Variants in CHIC2 observed in about 807,000 individuals in gnomAD.
The protein encoded by CHIC2 is cysteine rich hydrophobic domain 2.
Under a neutral mutation model 25.9 loss-of-function variants are expected in CHIC2, and 14 were observed. The observed-to-expected ratio is 0.54, with a 90% confidence interval of 0.36 to 0.85. The LOEUF (loss-of-function observed/expected upper bound fraction) is 0.85. Among genes scored for constraint, CHIC2 ranks in the 40% least tolerant of loss-of-function variants. CHIC2 has a pLI of 0.01. For synonymous variants in CHIC2, 70 were observed against 72.0 expected (o/e 0.97, Z 0.14); for missense variants, 146 against 202.0 (o/e 0.72, Z 1.68).
chr4:54,073,800 C>G, the CHIC2 span, among the ~76,000 whole-genome samples: 1 of 152,160 alleles, frequency 6.6e-6, no homozygotes, highest in East Asian at 1.9e-4. Flanking sequence ...CTTCCTGACC[C>G]TGGATATCAT....
intron 3 of CHIC2, among the ~76,000 whole-genome samples, chr4:54,016,849 A>G (rs1735624815): frequency 6.6e-6 from 1 of 152,090 alleles, no homozygotes; most frequent in Non-Finnish European, 1.5e-5. Flanking sequence ...TTTAAAAAAA[A>G]AAGGAAAGAA....
chr4:54,025,521 G>A (rs1716030849), intron 3 of CHIC2, among the ~76,000 whole-genome samples: 1 of 152,130 alleles, frequency 6.6e-6, no homozygotes. Flanking sequence ...CTGTTTGGTG[G>A]TCTCTTCGCA....
At position 54,060,747 on chromosome 4, in the gene CHIC2, T is replaced by A. The variant is rs145868795; in HGVS notation, c.119+3435A>T. On this transcript the variant is annotated intron_variant, in intron 1 of 5. Transcript: ENST00000263921. ...AATTTTAAAATATTAACCAATCTGG[T>A]CAAGACTACCTAATAGTCTTTTTAC... The A allele has an allele frequency of 5.3e-5, 8 of 152,282 alleles. No homozygotes were observed. In the East Asian group the frequency reaches 1.5e-3, roughly 29 times the overall value. The allele number at this position is 152,282 out of a possible 1,614,324, so 9.4% of individuals were successfully genotyped here.
At chr4:54,010,977 A>C (rs192824165) in intron 5 of CHIC2, among the ~76,000 whole-genome samples, 323 of 152,300 alleles carry the variant, frequency 2.1e-3, no homozygotes, top group African/African-American at 7.4e-3. Flanking sequence ...ATGGTAACAC[A>C]GAATTACACA....
At chr4:54,041,306 A>C (rs959998457) in intron 3 of CHIC2, among the ~76,000 whole-genome samples, 1 of 152,012 alleles carries the variant, frequency 6.6e-6, no homozygotes, top group Middle Eastern at 3.2e-3. Flanking sequence ...AGAGGATTTC[A>C]CATCACAAGA....
chr4:54,064,320 C>T lies in CHIC2; in HGVS notation c.-20G>A, dbSNP rs767394713. ...CGCCATCCTGAGCCTCCGAGCTCCCCTGCCCAAAGGGCCTGACTCCCGGGG... is the reference window on the plus strand; with the variant it reads ...CGCCATCCTGAGCCTCCGAGCTCCCTTGCCCAAAGGGCCTGACTCCCGGGG... On this transcript the variant is annotated 5_prime_UTR_variant, in exon 1 of 6. Coordinates refer to ENST00000263921, the MANE Select transcript of CHIC2 (RefSeq NM_012110.4). This position sits in a 1 kb window ranked among gnomAD's most constrained non-coding sequence, Gnocchi z 4.2. 4.5e-5 allele frequency: 73 copies of T among 1,612,740 alleles called. No homozygotes were observed. Among genetic ancestry groups the T allele is most frequent in the Admixed American group, 6.7e-5 (4 of 59,920 alleles).
At chr4:54,020,049 G>A (rs1273871880) in intron 3 of CHIC2, among the ~76,000 whole-genome samples, 1 of 152,114 alleles carries the variant, frequency 6.6e-6, no homozygotes, top group Non-Finnish European at 1.5e-5. Context: ...AAAAATATAT[G>A]TAATTACAAA....
chr4:54,070,919 G>A, the CHIC2 span, among the ~76,000 whole-genome samples: 1 of 152,140 alleles, frequency 6.6e-6, no homozygotes, highest in Non-Finnish European at 1.5e-5. Context: ...CCAAGAGTGG[G>A]CATCTGACCT....
upstream of CHIC2, chr4:54,064,757 G>C: frequency 3.3e-6 from 2 of 602,450 alleles, no homozygotes; most frequent in Non-Finnish European, 4.2e-6. This position sits in a 1 kb window ranked among gnomAD's most constrained non-coding sequence, Gnocchi z 4.2. Context: ...GGCCTCGCGC[G>C]CTCCCAGGCC....
At chr4:54,072,797 G>A in the CHIC2 span, among the ~76,000 whole-genome samples, 1 of 152,178 alleles carries the variant, frequency 6.6e-6, no homozygotes, top group Non-Finnish European at 1.5e-5. Context: ...GCGCGTCTGG[G>A]CGTGGTGGCT....
At chr4:54,027,095 C>A (rs1004361691) in intron 3 of CHIC2, among the ~76,000 whole-genome samples, 1 of 152,032 alleles carries the variant, frequency 6.6e-6, no homozygotes, top group Non-Finnish European at 1.5e-5. Flanking sequence ...GATGAAAAAA[C>A]GAAGAATTTC....
intron 3 of CHIC2, among the ~76,000 whole-genome samples, chr4:54,040,168 C>T (rs893365951): frequency 6.6e-6 from 1 of 152,104 alleles, no homozygotes; most frequent in Non-Finnish European, 1.5e-5. Flanking sequence ...TCAAAAATCA[C>T]AGAACTGTTT....
chr4:54,010,442 C>G lies in CHIC2; in HGVS notation c.448-297G>C, dbSNP rs542778711. On this transcript the variant is annotated intron_variant, in intron 5 of 5. Transcript: ENST00000263921. ...TGATATAGATAGTGCCCCTGATACA[C>G]TGGAGGAGCAAACATGCATACATGC... 1.2e-4 allele frequency among the ~76,000 whole-genome samples: 18 copies of G among 152,214 alleles called. No individual in the cohort carries two copies. The South Asian group carries it at 3.1e-3, about 26-fold the overall frequency.
At chr4:54,036,712 G>A (rs1716395966) in intron 3 of CHIC2, among the ~76,000 whole-genome samples, 1 of 152,000 alleles carries the variant, frequency 6.6e-6, no homozygotes, top group Non-Finnish European at 1.5e-5. Flanking sequence ...AGTACCATGA[G>A]ATCATAAAAT....
At chr4:54,070,171 C>T in the CHIC2 span, among the ~76,000 whole-genome samples, 2 of 152,042 alleles carry the variant, frequency 1.3e-5, no homozygotes, top group Non-Finnish European at 2.9e-5. Context: ...GTTTAAAGAC[C>T]TTGAAGTAGA....
chr4:54,034,966 C>T (rs543070471), intron 3 of CHIC2, among the ~76,000 whole-genome samples: 4 of 152,250 alleles, frequency 2.6e-5, no homozygotes, highest in East Asian at 3.9e-4. Context: ...TTGTCAAATG[C>T]TTTTTCTGCC....
chr4:54,078,501 T>C, the CHIC2 span, among the ~76,000 whole-genome samples: 1 of 152,154 alleles, frequency 6.6e-6, no homozygotes, highest in African/African-American at 2.4e-5. Flanking sequence ...CCTTAAAAGA[T>C]CTCTCATGAT....
At position 54,010,040 on chromosome 4, in the gene CHIC2, A is replaced by G; in HGVS notation, c.*55T>C. On this transcript the variant is annotated 3_prime_UTR_variant, in exon 6 of 6. Coordinates refer to ENST00000263921, the MANE Select transcript of CHIC2 (RefSeq NM_012110.4). ...TGTCACCACCAGGAGAGCACCAAGC[A>G]AGGCACCATTGGAAAGACAACATAC... The G allele has an allele frequency of 1.6e-6, 2 of 1,224,710 alleles. No homozygotes were observed. Among genetic ancestry groups the G allele is most frequent in the Admixed American group, 1.8e-5 (1 of 56,400 alleles). 75.9% of individuals were successfully genotyped at this position (1,224,710 alleles called of 1,614,324 possible). A position where few individuals can be genotyped will look rare whatever the true frequency, so the allele number is the denominator to read the frequency against.
At chr4:54,070,199 T>C in the CHIC2 span, among the ~76,000 whole-genome samples, 1 of 151,988 alleles carries the variant, frequency 6.6e-6, no homozygotes, top group Non-Finnish European at 1.5e-5. Flanking sequence ...ACAGCTCAAA[T>C]GAGGTAAAAA....
Sources: gnomAD v4.1 joint callset for allele counts (sites outside exome capture counted in the v4.1 genomes callset) on GRCh38, gnomAD v4.1.1 for gene constraint, Gnocchi (gnomAD v3.1) non-coding constraint, MANE v1.5 for transcripts, NCBI Gene and HGNC (gene_info 2026-07-23, HGNC 2026-07-21) for gene names.